The following LTBP1 variants were observed in gnomAD, a reference collection of about 807,000 sequenced individuals.
The protein encoded by LTBP1 is latent transforming growth factor beta binding protein 1, also known as latent-transforming growth factor beta-binding protein 1.
LTBP1 carries 129 observed loss-of-function variants against 207.6 expected under a neutral mutation model. That is an observed-to-expected ratio of 0.62 (90% CI 0.54 to 0.72). The LOEUF is 0.72. Among genes scored for constraint, LTBP1 ranks in the 30% least tolerant of loss-of-function variants. The pLI, the probability that LTBP1 is intolerant of heterozygous loss-of-function variation, is 0.00. For missense variants in LTBP1, 2,281 were observed against 2,217.2 expected (o/e 1.03, Z -0.58); for synonymous variants, 963 against 833.7 (o/e 1.16, Z -2.67).
chr2:33,169,003 G>T (rs1416577551), intron 5 of LTBP1, among the ~76,000 whole-genome samples: 1 of 152,198 alleles, frequency 6.6e-6, no homozygotes, highest in Non-Finnish European at 1.5e-5. Context: ...AGAGTTAGGG[G>T]GGAGCCATGG....
intron 5 of LTBP1, among the ~76,000 whole-genome samples, chr2:33,168,354 C>G (rs1051317676): frequency 2.1e-5 from 3 of 146,044 alleles, no homozygotes; most frequent in Non-Finnish European, 3.0e-5. Context: ...CCACTGCACT[C>G]TAGCCTGAGG....
At chr2:33,160,896 C>T (rs566482087) in intron 5 of LTBP1, among the ~76,000 whole-genome samples, 2 of 152,134 alleles carry the variant, frequency 1.3e-5, no homozygotes, top group East Asian at 3.9e-4. Context: ...GAGTGCAGCA[C>T]CTACCCTATA....
chr2:33,013,204 T>C (rs1687908927), intron 2 of LTBP1, among the ~76,000 whole-genome samples: 1 of 152,202 alleles, frequency 6.6e-6, no homozygotes, highest in African/African-American at 2.4e-5. Flanking sequence ...AAAAGGCTTG[T>C]ACCATATTCC....
intron 2 of LTBP1, among the ~76,000 whole-genome samples, chr2:33,009,341 C>G (rs111630477): frequency 4.9e-4 from 75 of 152,302 alleles, no homozygotes; most frequent in African/African-American, 1.8e-3. Flanking sequence ...TTCCCTGATT[C>G]ACGTGAAGTC....
chr2:33,095,689 C>G (rs1354094535), intron 3 of LTBP1, among the ~76,000 whole-genome samples: 1 of 151,620 alleles, frequency 6.6e-6, no homozygotes, highest in Non-Finnish European at 1.5e-5. Flanking sequence ...TATAAATATG[C>G]CCAAGGACTT....
chr2:32,947,865 G>A, intron 1 of LTBP1, 47 bp downstream of exon 1: 1 of 1,268,120 alleles, frequency 7.9e-7, no homozygotes, highest in Non-Finnish European at 1.0e-6. Flanking sequence ...CGCGCGCACC[G>A]CCCGCGGAGG....
At chr2:33,033,912 C>T (rs372100009) in intron 3 of LTBP1, among the ~76,000 whole-genome samples, 9 of 152,244 alleles carry the variant, frequency 5.9e-5, no homozygotes, top group African/African-American at 1.4e-4. Flanking sequence ...TATTTCAAAG[C>T]GCCTCAGGAG....
Position 33,259,729 on chromosome 2 carries a change from TTTGAG to T in LTBP1, c.2418+122_2418+126del, listed in dbSNP as rs1412160448. The T allele has an allele frequency of 1.3e-5, 12 of 913,752 alleles. 1 individual carries two copies. Among genetic ancestry groups the T allele is most frequent in the African/African-American group, 1.0e-4 (6 of 59,324 alleles). The allele number at this position is 913,752 out of a possible 1,614,324, so 56.6% of individuals were successfully genotyped here. Reference sequence around the variant, plus strand: ...AACATCTCTATTATGCATCATTTGGTTTGAGTTAATATAGCATTCAGTTATTCCAA... The same window carrying T: ...AACATCTCTATTATGCATCATTTGGTTTAATATAGCATTCAGTTATTCCAA... On this transcript the variant is annotated intron_variant, in intron 13 of 33. Coordinates refer to ENST00000404816, the MANE Select transcript of LTBP1 (RefSeq NM_206943.4).
At chr2:32,984,869 C>G (rs1202996373) in intron 2 of LTBP1, among the ~76,000 whole-genome samples, 1 of 151,994 alleles carries the variant, frequency 6.6e-6, no homozygotes, top group Non-Finnish European at 1.5e-5. Context: ...AGGCGGAGGT[C>G]GCAGTGAGCT....
At chr2:32,986,033 C>G (rs1435375439) in intron 2 of LTBP1, among the ~76,000 whole-genome samples, 2 of 152,060 alleles carry the variant, frequency 1.3e-5, no homozygotes, top group Non-Finnish European at 2.9e-5. Flanking sequence ...AAAAATGTTC[C>G]TTTTATCTCT....
chr2:33,033,994 C>G (rs534972971), intron 3 of LTBP1, among the ~76,000 whole-genome samples: 1 of 152,144 alleles, frequency 6.6e-6, no homozygotes, highest in African/African-American at 2.4e-5. Flanking sequence ...ACCCCCTCCC[C>G]GGCTCCCTGG....
intron 2 of LTBP1, among the ~76,000 whole-genome samples, chr2:32,971,148 C>G (rs1254886578): frequency 1.3e-5 from 2 of 151,862 alleles, no homozygotes; most frequent in Non-Finnish European, 2.9e-5. Context: ...ATACTGTATC[C>G]TGAAACTTCG....
At position 32,999,695 on chromosome 2, in the gene LTBP1, G is replaced by A. The variant is rs1290835405; in HGVS notation, c.566-21214G>A. 1.5e-5 allele frequency among the ~76,000 whole-genome samples: 2 copies of A among 133,700 alleles called. 1 individual carries two copies. Among genetic ancestry groups the A allele is most frequent in the Admixed American group, 1.5e-4 (2 of 12,950 alleles). 87.7% of individuals were successfully genotyped at this position (133,700 alleles called of 152,430 possible). A position where few individuals can be genotyped will look rare whatever the true frequency, so the allele number is the denominator to read the frequency against. On this transcript the variant is annotated intron_variant, in intron 2 of 33. Transcript: ENST00000404816. ...TCATGAGGTCAGGAGTTCAAGACCAGCCTGGCCAATGTGGTGAAACCTGGT... is the reference window on the plus strand; with the variant it reads ...TCATGAGGTCAGGAGTTCAAGACCAACCTGGCCAATGTGGTGAAACCTGGT...
At chr2:32,995,575 A>G (rs1572991786) in intron 2 of LTBP1, among the ~76,000 whole-genome samples, 1 of 152,142 alleles carries the variant, frequency 6.6e-6, no homozygotes. Flanking sequence ...AGGTCAGGAG[A>G]TCGAGACCAT....
chr2:32,980,833 A>AT (rs1485671497), intron 2 of LTBP1, among the ~76,000 whole-genome samples: 2 of 152,182 alleles, frequency 1.3e-5, no homozygotes, highest in Middle Eastern at 3.4e-3. Context: ...TTTGAAGGAT[A>AT]TTTTTGCCAT....
chr2:33,233,282 T>G (rs1166043075), intron 9 of LTBP1, among the ~76,000 whole-genome samples: 1 of 152,182 alleles, frequency 6.6e-6, no homozygotes, highest in Non-Finnish European at 1.5e-5. Context: ...TTTTCTAATT[T>G]CTGCTTTACT....
intron 23 of LTBP1, among the ~76,000 whole-genome samples, chr2:33,311,627 G>A (rs1015163085): frequency 7.3e-5 from 11 of 150,464 alleles, no homozygotes; most frequent in East Asian, 1.9e-4. Flanking sequence ...AATTCTTCTC[G>A]TCACAATTTG....
At chr2:33,207,223 TA>T (rs1312284372) in intron 7 of LTBP1, among the ~76,000 whole-genome samples, 1 of 152,208 alleles carries the variant, frequency 6.6e-6, no homozygotes, top group African/African-American at 2.4e-5. Context: ...TATGTGACTT[TA>T]AAAACCATTT....
At chr2:33,136,821 A>G (rs1315751423) in intron 5 of LTBP1, among the ~76,000 whole-genome samples, 1 of 152,240 alleles carries the variant, frequency 6.6e-6, no homozygotes, top group Non-Finnish European at 1.5e-5. Context: ...GGAACAGAAT[A>G]TACATAGCCT....
Sources: gnomAD v4.1 joint callset for allele counts (sites outside exome capture counted in the v4.1 genomes callset) on GRCh38, gnomAD v4.1.1 for gene constraint, MANE v1.5 for transcripts, NCBI Gene and HGNC (gene_info 2026-07-23, HGNC 2026-07-21) for gene names.